The following ADCY5 variants were observed in gnomAD, a reference collection of about 807,000 sequenced individuals.
ADCY5 encodes adenylate cyclase type 5.
Under a neutral mutation model 119.7 loss-of-function variants are expected in ADCY5, and 30 were observed. The observed-to-expected ratio is 0.25, with a 90% CI of 0.19 to 0.34. ADCY5 has a LOEUF of 0.34. Among genes scored for constraint, ADCY5 ranks in the 10% least tolerant of loss-of-function variants. The pLI is 1.00. For missense variants in ADCY5, 1,324 were observed against 1,775.2 expected (o/e 0.75, Z 4.57); for synonymous variants, 753 against 762.2 (o/e 0.99, Z 0.20).
At chr3:123,299,452 T>A (rs1051608938) in intron 15 of ADCY5, among the ~76,000 whole-genome samples, 1 of 152,256 alleles carries the variant, frequency 6.6e-6, no homozygotes, top group African/African-American at 2.4e-5. Context: ...GAGGCTGAGA[T>A]TCTAACCCAA....
At position 123,364,786 on chromosome 3, in the gene ADCY5, A is replaced by AG. The variant is rs35936901; in HGVS notation, c.1135-12206_1135-12205insC. The stretch of plus-strand genomic sequence containing the variant: ...CGAAATCATAGAAAAGGAAAAAAAA[A>AG]TCAATTATCACCCAAAGACAACCAG... On this transcript the variant is annotated intron_variant, in intron 1 of 20. Coordinates refer to ENST00000462833, the MANE Select transcript of ADCY5 (RefSeq NM_183357.3). 8.5e-3 allele frequency among the ~76,000 whole-genome samples: 1,292 copies of AG among 152,284 alleles called. 14 individuals carry two copies. The highest frequency in any genetic ancestry group is 0.028 in the African/African-American group (1,166 of 41,520).
chr3:123,379,106 G>A (rs1457446490), intron 1 of ADCY5, among the ~76,000 whole-genome samples: 2 of 152,098 alleles, frequency 1.3e-5, no homozygotes, highest in Non-Finnish European at 2.9e-5. Context: ...AAGTCCTGGG[G>A]ACTGGCCATG....
chr3:123,386,151 C>T (rs1201921142), intron 1 of ADCY5, among the ~76,000 whole-genome samples: 2 of 152,292 alleles, frequency 1.3e-5, no homozygotes, highest in Admixed American at 6.5e-5. Flanking sequence ...TGAATGAGCC[C>T]GAAGCAGCTC....
At chr3:123,301,365 C>A (rs1187221410) in intron 14 of ADCY5, among the ~76,000 whole-genome samples, 1 of 152,106 alleles carries the variant, frequency 6.6e-6, no homozygotes, top group Non-Finnish European at 1.5e-5. Context: ...TGGGGGGAAG[C>A]CTCACATCGC....
At chr3:123,317,936 T>C in intron 11 of ADCY5, 84 bp downstream of exon 11, 1 of 1,273,804 alleles carries the variant, frequency 7.9e-7, no homozygotes, top group African/African-American at 1.5e-5. Flanking sequence ...CTCCCTGCTC[T>C]GTTCTCCTAA....
At position 123,314,112 on chromosome 3, in the gene ADCY5, C is replaced by T. The variant is rs113509645; in HGVS notation, c.2442+123G>A. On this transcript the variant is annotated intron_variant, in intron 12 of 20. Transcript: ENST00000462833. ...GGAGAGGTGTGGCTGGCATCAGGCACTCTCCCACCCCTGCCAAGCACAATA... is the reference window on the plus strand; with the variant it reads ...GGAGAGGTGTGGCTGGCATCAGGCATTCTCCCACCCCTGCCAAGCACAATA... 44 of 725,676 alleles carry T rather than the reference C, an allele frequency of 6.1e-5. No homozygotes were observed. In the African/African-American group the frequency reaches 6.4e-4, roughly 11 times the overall value. The allele number at this position is 725,676 out of a possible 1,614,324, so 45.0% of individuals were successfully genotyped here.
intron 5 of ADCY5, among the ~76,000 whole-genome samples, chr3:123,329,781 T>C (rs1941674522): frequency 1.3e-5 from 2 of 152,182 alleles, no homozygotes; most frequent in African/African-American, 4.8e-5. Context: ...CAGGGGAGAC[T>C]GAGGTCACCC....
At chr3:123,321,711 C>G (rs1186043178) in intron 8 of ADCY5, among the ~76,000 whole-genome samples, 1 of 152,206 alleles carries the variant, frequency 6.6e-6, no homozygotes, top group African/African-American at 2.4e-5. Context: ...TCCAAATGAA[C>G]ACACCACTCT....
At chr3:123,311,115 A>C (rs1940546698) in intron 12 of ADCY5, among the ~76,000 whole-genome samples, 1 of 152,224 alleles carries the variant, frequency 6.6e-6, no homozygotes, top group Admixed American at 6.5e-5. Flanking sequence ...TGAAATAGAG[A>C]AAGAGACTGA....
intron 11 of ADCY5, 91 bp from the exon 12 acceptor site, chr3:123,314,413 C>A: frequency 5.1e-6 from 5 of 976,608 alleles, no homozygotes; most frequent in Non-Finnish European, 7.7e-6. Context: ...GGCCACAGGT[C>A]CCCCGTGCCC....
At chr3:123,393,931 CGAGACCAGGCTGGCCA>C (rs1944470223) in intron 1 of ADCY5, among the ~76,000 whole-genome samples, 1 of 152,128 alleles carries the variant, frequency 6.6e-6, no homozygotes, top group South Asian at 2.1e-4. Flanking sequence ...GTCAGGAGTT[CGAGACCAGGCTGGCCA>C]ACATGGTGAA....
At chr3:123,401,376 G>C (rs1944748309) in intron 1 of ADCY5, among the ~76,000 whole-genome samples, 1 of 152,172 alleles carries the variant, frequency 6.6e-6, no homozygotes, top group African/African-American at 2.4e-5. Context: ...CATCCAGATG[G>C]GGAATGGCCA....
intron 1 of ADCY5, among the ~76,000 whole-genome samples, chr3:123,353,456 G>C (rs1942919513): frequency 6.6e-6 from 1 of 152,182 alleles, no homozygotes; most frequent in African/African-American, 2.4e-5. Context: ...CATGGGTCCT[G>C]TTGTTGTCCT....
rs200435918 is a variant in ADCY5, at chr3:123,396,598, AAGAG to A, written c.1135-44021_1135-44018del. 8.3e-5 allele frequency among the ~76,000 whole-genome samples: 11 copies of A among 132,576 alleles called. No homozygotes were observed. The East Asian group carries it at 2.6e-3, about 31-fold the overall frequency. The allele number at this position is 132,576 out of a possible 152,430, so 87.0% of individuals were successfully genotyped here. A position where few individuals can be genotyped will look rare whatever the true frequency, so the allele number is the denominator to read the frequency against. On this transcript the variant is annotated intron_variant, in intron 1 of 20. Transcript: ENST00000462833. ...AAAAAGAAAAGAAAAGAGAAGAAAA[AAGAG>A]AGAAGGGAGGGAGGAAGAAGGGAGG...
chr3:123,444,906 C>T (rs997208188), intron 1 of ADCY5, among the ~76,000 whole-genome samples: 1 of 152,206 alleles, frequency 6.6e-6, no homozygotes, highest in Non-Finnish European at 1.5e-5. Context: ...CCCAACCACT[C>T]TTACATGCCT....
At chr3:123,396,841 A>G (rs1668318353) in intron 1 of ADCY5, among the ~76,000 whole-genome samples, 1 of 151,242 alleles carries the variant, frequency 6.6e-6, no homozygotes, top group Admixed American at 6.6e-5. Flanking sequence ...AGAGAGAGAG[A>G]GACAGAGAAC....
At chr3:123,437,652 G>A (rs1371457958) in intron 1 of ADCY5, among the ~76,000 whole-genome samples, 1 of 152,190 alleles carries the variant, frequency 6.6e-6, no homozygotes, top group Non-Finnish European at 1.5e-5. Context: ...TAAGCTACAG[G>A]TTATCATCAA....
intron 1 of ADCY5, among the ~76,000 whole-genome samples, chr3:123,422,544 C>A (rs937542704): frequency 2.0e-5 from 3 of 152,134 alleles, no homozygotes; most frequent in Non-Finnish European, 2.9e-5. Flanking sequence ...AAATGCAGAG[C>A]CGCCTGACTG....
At chr3:123,322,316 A>AT (rs1199120306) in intron 8 of ADCY5, among the ~76,000 whole-genome samples, 7 of 152,184 alleles carry the variant, frequency 4.6e-5, no homozygotes, top group Non-Finnish European at 8.8e-5. Flanking sequence ...ATAGGCCGAA[A>AT]TGTTGTGAAT....
Sources: allele counts gnomAD v4.1 joint callset (sites outside exome capture counted in the v4.1 genomes callset), GRCh38; gene constraint gnomAD v4.1.1; transcripts MANE v1.5; gene names NCBI Gene and HGNC (gene_info 2026-07-23, HGNC 2026-07-21).